CSMD1: variants seen among roughly 807,000 people sequenced by gnomAD.
CSMD1 encodes CUB and Sushi multiple domains 1.
A neutral mutation model predicts 417.5 loss-of-function variants in CSMD1; 213 were observed. The observed-to-expected ratio is 0.51, with a 90% CI of 0.46 to 0.57. CSMD1 has a LOEUF of 0.57. CSMD1 is among the 20% of genes least tolerant of loss of function. The pLI is 0.00. For synonymous variants in CSMD1, 2,862 were observed against 1,736.8 expected, an observed-to-expected ratio of 1.65 and a Z score of -16.11; for missense variants, 6,923 against 4,529.7, an observed-to-expected ratio of 1.53 and a Z score of -15.17.
At chr8:3,631,425 G>A (rs764697115) in intron 7 of CSMD1, among the ~76,000 whole-genome samples, 2 of 152,206 alleles carry the variant, frequency 1.3e-5, no homozygotes, top group African/African-American at 2.4e-5. Flanking sequence ...GCTGAGCCTG[G>A]AGCGTTGTGA....
intron 2 of CSMD1, among the ~76,000 whole-genome samples, chr8:4,472,815 A>C (rs1800610160): frequency 6.6e-6 from 1 of 152,010 alleles, no homozygotes; most frequent in African/African-American, 2.4e-5. Flanking sequence ...ATACTTAAAA[A>C]ATTTGGTATA....
intron 3 of CSMD1, among the ~76,000 whole-genome samples, chr8:4,334,390 C>G (rs537222410): frequency 6.6e-6 from 1 of 152,230 alleles, no homozygotes; most frequent in South Asian, 2.1e-4. Flanking sequence ...TTCATTCAAT[C>G]TGAGGGGAAC....
intron 1 of CSMD1, among the ~76,000 whole-genome samples, chr8:4,719,269 C>T (rs567575453): frequency 2.1e-4 from 32 of 152,236 alleles, no homozygotes; most frequent in African/African-American, 7.0e-4. Flanking sequence ...ATCTTCAGGA[C>T]TAAATTAACA....
At chr8:4,629,858 G>C (rs776561285) in intron 2 of CSMD1, among the ~76,000 whole-genome samples, 139 of 152,240 alleles carry the variant, frequency 9.1e-4, no homozygotes, top group Non-Finnish European at 1.1e-3. Context: ...CTGTCTGCTT[G>C]TTCTTCTGTT....
chr8:4,929,994 C>G (rs1012362100), intron 1 of CSMD1, among the ~76,000 whole-genome samples: 3 of 152,170 alleles, frequency 2.0e-5, no homozygotes, highest in African/African-American at 7.2e-5. Flanking sequence ...ACATTTTATT[C>G]ACGTTAAGCA....
At chr8:4,951,628 G>A (rs1442374858) in intron 1 of CSMD1, among the ~76,000 whole-genome samples, 1 of 151,196 alleles carries the variant, frequency 6.6e-6, no homozygotes, top group Non-Finnish European at 1.5e-5. Context: ...GCCTGTGAAT[G>A]ACTTCTGGGA....
intron 3 of CSMD1, among the ~76,000 whole-genome samples, 169 bp downstream of exon 3, chr8:4,419,784 G>C (rs190176847): frequency 2.0e-5 from 3 of 152,134 alleles, no homozygotes; most frequent in East Asian, 1.9e-4. Flanking sequence ...GGAAAGTTTG[G>C]CGATTATAAC....
intron 1 of CSMD1, among the ~76,000 whole-genome samples, chr8:4,693,250 G>A (rs887758901): frequency 3.9e-5 from 6 of 152,204 alleles, no homozygotes; most frequent in South Asian, 2.1e-4. Flanking sequence ...AATGTTCTCT[G>A]CCAATAACAA....
intron 26 of CSMD1, among the ~76,000 whole-genome samples, chr8:3,274,741 G>C (rs1802144031): frequency 2.0e-5 from 3 of 152,054 alleles, no homozygotes; most frequent in Admixed American, 1.3e-4. Flanking sequence ...TGAGAGACTA[G>C]GATTGCAACC....
chr8:3,019,957 G>A (rs1002311615), intron 51 of CSMD1, among the ~76,000 whole-genome samples: 1 of 152,228 alleles, frequency 6.6e-6, no homozygotes. Context: ...AAGAGTGCTA[G>A]GTGAGCACTG....
intron 3 of CSMD1, among the ~76,000 whole-genome samples, chr8:4,204,096 G>C (rs951803976): frequency 1.3e-5 from 2 of 152,116 alleles, no homozygotes; most frequent in Admixed American, 6.6e-5. Context: ...ACAAGACTCT[G>C]TCTCAAAACA....
Position 3,894,632 on chromosome 8 carries a change from C to T in CSMD1, c.818+103271G>A, listed in dbSNP as rs778124656. Among the ~76,000 whole-genome samples the T allele has an allele frequency of 1.8e-4, 27 of 152,102 alleles. 1 individual carries two copies. Among genetic ancestry groups the T allele is most frequent in the Admixed American group, 1.4e-3 (22 of 15,258 alleles). On this transcript the variant is annotated intron_variant, in intron 5 of 69. Transcript: ENST00000635120. Reference sequence around the variant, plus strand: ...AGAAAATAAATGCTCAGTGCTAAGGCTAAACAAGACTTCACTATTAACCTA... The same window carrying T: ...AGAAAATAAATGCTCAGTGCTAAGGTTAAACAAGACTTCACTATTAACCTA...
chr8:3,954,757 T>A (rs1483376420), intron 5 of CSMD1, among the ~76,000 whole-genome samples: 1 of 151,694 alleles, frequency 6.6e-6, no homozygotes, highest in Non-Finnish European at 1.5e-5. Context: ...CCCTCAGAAC[T>A]GAGCATGCGT....
At chr8:4,285,371 A>G (rs1023960531) in intron 3 of CSMD1, among the ~76,000 whole-genome samples, 1 of 152,202 alleles carries the variant, frequency 6.6e-6, no homozygotes, top group Non-Finnish European at 1.5e-5. Context: ...CAGCCTTTCT[A>G]TTCTAGAGGG....
intron 5 of CSMD1, among the ~76,000 whole-genome samples, chr8:3,926,377 G>T (rs1363033183): frequency 1.3e-5 from 2 of 149,414 alleles, no homozygotes; most frequent in African/African-American, 2.4e-5. Flanking sequence ...ACCAGAAACA[G>T]GAGGGCAGTA....
intron 3 of CSMD1, among the ~76,000 whole-genome samples, chr8:4,232,101 G>C (rs1290535075): frequency 1.3e-5 from 2 of 152,098 alleles, no homozygotes; most frequent in Non-Finnish European, 2.9e-5. Context: ...TCACATTCAT[G>C]CTTCTGATAC....
At chr8:4,646,229 T>C (rs889243215) in intron 1 of CSMD1, among the ~76,000 whole-genome samples, 4 of 152,200 alleles carry the variant, frequency 2.6e-5, no homozygotes, top group African/African-American at 9.7e-5. Flanking sequence ...ATCTTTTTAT[T>C]ATATTTATTT....
intron 26 of CSMD1, among the ~76,000 whole-genome samples, chr8:3,273,291 C>A (rs1347041963): frequency 6.6e-6 from 1 of 151,978 alleles, no homozygotes; most frequent in Non-Finnish European, 1.5e-5. Context: ...CCCACTTGAT[C>A]ATGGTGGATA....
intron 10 of CSMD1, among the ~76,000 whole-genome samples, chr8:3,531,937 A>C (rs1797999194): frequency 6.6e-6 from 1 of 152,212 alleles, no homozygotes; most frequent in African/African-American, 2.4e-5. Flanking sequence ...GCAGTAGCTT[A>C]GGCTGAGGAC....
Sources: allele counts gnomAD v4.1 joint callset (sites outside exome capture counted in the v4.1 genomes callset), GRCh38; gene constraint gnomAD v4.1.1; transcripts MANE v1.5; gene names NCBI Gene and HGNC (gene_info 2026-07-23, HGNC 2026-07-21).